DNAJC1: variants seen among roughly 807,000 people sequenced by gnomAD.
DNAJC1 encodes DnaJ heat shock protein family (Hsp40) member C1, also known as dnaJ homolog subfamily C member 1.
Under a neutral mutation model 76.6 loss-of-function variants are expected in DNAJC1, and 58 were observed. The ratio of observed to expected loss-of-function variants is 0.76; its 90% CI spans 0.61 to 0.94. The LOEUF (loss-of-function observed/expected upper bound fraction) is 0.94, where lower values mean the gene tolerates loss of function less well. Among genes scored for constraint, DNAJC1 ranks in the 40% least tolerant of loss-of-function variants. DNAJC1 has a pLI of 0.00. For synonymous variants in DNAJC1, 258 were observed against 267.9 expected (o/e 0.96, Z 0.36); for missense variants, 689 against 677.3 (o/e 1.02, Z -0.19).
At chr10:21,942,805 C>CAAAAA (rs540122534) in intron 1 of DNAJC1, among the ~76,000 whole-genome samples, 4 of 45,292 alleles carry the variant, frequency 8.8e-5, no homozygotes, top group East Asian at 6.3e-4. Flanking sequence ...GACTCCATCT[C>CAAAAA]AAAAAAAAAA....
chr10:21,781,461 C>T (rs1834526357), intron 9 of DNAJC1, among the ~76,000 whole-genome samples: 1 of 152,190 alleles, frequency 6.6e-6, no homozygotes, highest in Non-Finnish European at 1.5e-5. Flanking sequence ...GTGGCTCACG[C>T]CTGTAATCCC....
At chr10:21,832,551 C>A (rs1161115829) in intron 8 of DNAJC1, among the ~76,000 whole-genome samples, 2 of 152,110 alleles carry the variant, frequency 1.3e-5, no homozygotes, top group Non-Finnish European at 2.9e-5. Context: ...CTTCCAATCA[C>A]CAAGTAGGCA....
intron 1 of DNAJC1, among the ~76,000 whole-genome samples, chr10:21,959,285 C>T (rs759471156): frequency 2.6e-5 from 4 of 151,618 alleles, no homozygotes; most frequent in Non-Finnish European, 4.4e-5. Context: ...CCACCAGGCC[C>T]GGCTAATTTT....
chr10:21,955,249 AACTT>A (rs1435448585), intron 1 of DNAJC1, among the ~76,000 whole-genome samples: 9 of 152,246 alleles, frequency 5.9e-5, no homozygotes, highest in African/African-American at 1.9e-4. Flanking sequence ...CCCCAATTTT[AACTT>A]ACTTACTGGA....
chr10:21,827,485 A>T (rs1477230762), intron 8 of DNAJC1, among the ~76,000 whole-genome samples: 1 of 152,242 alleles, frequency 6.6e-6, no homozygotes, highest in Non-Finnish European at 1.5e-5. Context: ...GTTAGAAGTC[A>T]GAAATCAAGG....
intron 1 of DNAJC1, among the ~76,000 whole-genome samples, chr10:21,970,234 C>T (rs755851047): frequency 1.8e-4 from 28 of 151,980 alleles, no homozygotes; most frequent in Non-Finnish European, 3.7e-4. Context: ...GGAACGAACA[C>T]TATACATTTG....
Position 21,861,161 on chromosome 10 carries a change from T to C in DNAJC1, c.978+21121A>G, listed in dbSNP as rs113252844. On this transcript the variant is annotated intron_variant, in intron 8 of 11. Coordinates refer to ENST00000376980, the MANE Select transcript of DNAJC1 (RefSeq NM_022365.4). ...ACACAAAAGGCAGGAGGAAGACAGATGAGGTAAAGATTCTAAGCCCATTGC... is the reference window on the plus strand; with the variant it reads ...ACACAAAAGGCAGGAGGAAGACAGACGAGGTAAAGATTCTAAGCCCATTGC... 4.6e-5 allele frequency among the ~76,000 whole-genome samples: 7 copies of C among 152,170 alleles called. 1 individual carries two copies. The highest frequency in any genetic ancestry group is 1.7e-4 in the African/African-American group (7 of 41,524).
chr10:21,979,546 G>A (rs369505459), intron 1 of DNAJC1, among the ~76,000 whole-genome samples: 1 of 151,832 alleles, frequency 6.6e-6, no homozygotes, highest in East Asian at 1.9e-4. Flanking sequence ...TTTCCCATAG[G>A]TACTGTTATT....
At chr10:22,001,216 T>A (rs990887320) in intron 1 of DNAJC1, among the ~76,000 whole-genome samples, 1 of 152,174 alleles carries the variant, frequency 6.6e-6, no homozygotes, top group Non-Finnish European at 1.5e-5. Context: ...CCTACCTACT[T>A]TGTTCTGGTC....
chr10:21,931,501 T>C (rs1233515064), intron 1 of DNAJC1, among the ~76,000 whole-genome samples: 1 of 152,216 alleles, frequency 6.6e-6, no homozygotes, highest in Non-Finnish European at 1.5e-5. Context: ...AGGTACTCGA[T>C]GAATTCAAAC....
intron 1 of DNAJC1, among the ~76,000 whole-genome samples, chr10:21,976,434 T>C (rs1274701973): frequency 6.6e-6 from 1 of 152,208 alleles, no homozygotes; most frequent in African/African-American, 2.4e-5. Context: ...TACACTGTCT[T>C]TTCCCTACTA....
chr10:21,889,308 T>A (rs1810791896), intron 7 of DNAJC1, among the ~76,000 whole-genome samples: 1 of 152,096 alleles, frequency 6.6e-6, no homozygotes, highest in African/African-American at 2.4e-5. Flanking sequence ...AAACCATTCA[T>A]GAGACATTGC....
At chr10:21,870,838 CAT>C (rs1284171955) in intron 8 of DNAJC1, among the ~76,000 whole-genome samples, 1 of 152,038 alleles carries the variant, frequency 6.6e-6, no homozygotes, top group Non-Finnish European at 1.5e-5. Context: ...GAAAGACAGA[CAT>C]ATGATTTTTG....
chr10:21,969,061 T>C (rs902621901), intron 1 of DNAJC1, among the ~76,000 whole-genome samples: 5 of 151,804 alleles, frequency 3.3e-5, no homozygotes, highest in African/African-American at 9.7e-5. Context: ...CCGTATCTAC[T>C]AAAAATTTAA....
chr10:21,757,238 C>T (rs76939787), intron 11 of DNAJC1, among the ~76,000 whole-genome samples: 1 of 152,284 alleles, frequency 6.6e-6, no homozygotes, highest in Non-Finnish European at 1.5e-5. Flanking sequence ...ATACTCATTC[C>T]TGCTCCTCCT....
intron 8 of DNAJC1, among the ~76,000 whole-genome samples, chr10:21,809,493 A>T (rs1244488225): frequency 6.6e-6 from 1 of 151,456 alleles, no homozygotes; most frequent in Non-Finnish European, 1.5e-5. Flanking sequence ...ACATTCTTAC[A>T]TCGCATTGCC....
intron 1 of DNAJC1, among the ~76,000 whole-genome samples, chr10:22,000,369 C>T (rs1241212666): frequency 1.3e-5 from 2 of 152,220 alleles, no homozygotes; most frequent in Non-Finnish European, 2.9e-5. Context: ...CCTCCCCCAA[C>T]TTACTTATAA....
At chr10:21,987,116 T>C (rs1168129761) in intron 1 of DNAJC1, among the ~76,000 whole-genome samples, 1 of 152,120 alleles carries the variant, frequency 6.6e-6, no homozygotes, top group African/African-American at 2.4e-5. Context: ...AAATTTCTGA[T>C]AGTTAAAGTG....
chr10:21,986,997 A>C (rs1838258622), intron 1 of DNAJC1, among the ~76,000 whole-genome samples: 1 of 152,036 alleles, frequency 6.6e-6, no homozygotes. Context: ...CAAACTCCTG[A>C]CCTCAAGTGA....
Sources: allele counts gnomAD v4.1 joint callset (sites outside exome capture counted in the v4.1 genomes callset), GRCh38; gene constraint gnomAD v4.1.1; transcripts MANE v1.5; gene names NCBI Gene and HGNC (gene_info 2026-07-23, HGNC 2026-07-21).